The following ATP8A1 variants were observed in gnomAD, a reference collection of about 807,000 sequenced individuals.
ATP8A1 encodes the protein phospholipid-transporting ATPase IA.
Under a neutral mutation model 177.7 loss-of-function variants are expected in ATP8A1, and 90 were observed. The observed-to-expected ratio is 0.51, with a 90% CI of 0.43 to 0.60. ATP8A1 has a LOEUF of 0.60. Among genes scored for constraint, ATP8A1 ranks in the 20% least tolerant of loss-of-function variants. The probability of loss-of-function intolerance (pLI) is 0.00; values close to 1 mark genes in which losing one functional copy is unlikely to be tolerated. For synonymous variants in ATP8A1, 493 were observed against 485.9 expected (o/e 1.01, Z -0.19); for missense variants, 1,072 against 1,392.8 (o/e 0.77, Z 3.67).
chr4:42,571,738 G>T (rs1477945099), intron 14 of ATP8A1, among the ~76,000 whole-genome samples: 1 of 152,072 alleles, frequency 6.6e-6, no homozygotes, highest in East Asian at 1.9e-4. Flanking sequence ...CCCATAAAAA[G>T]ATCTAATGAA....
intron 25 of ATP8A1, among the ~76,000 whole-genome samples, chr4:42,482,199 A>AG (rs5857846): frequency 0.95 from 143,883 of 151,980 alleles, 68,571 homozygotes; most frequent in Non-Finnish European, 1. Flanking sequence ...GCTACTCGGG[A>AG]GCTGAGGCAC....
At chr4:42,457,246 T>C (rs1718586435) in intron 27 of ATP8A1, among the ~76,000 whole-genome samples, 1 of 152,214 alleles carries the variant, frequency 6.6e-6, no homozygotes, top group Non-Finnish European at 1.5e-5. Flanking sequence ...GTGAAGTTTA[T>C]TCTTTCCTGG....
chr4:42,625,761 AC>A, intron 2 of ATP8A1, 48 bp from the exon 3 acceptor site: 1 of 1,138,504 alleles, frequency 8.8e-7, no homozygotes, highest in Non-Finnish European at 1.3e-6. Context: ...CATAATTAGC[AC>A]CCACACTTAC....
chr4:42,625,541 T>C lies in ATP8A1; in HGVS notation c.264+73A>G, dbSNP rs1418426530. ...TTATCTCTCGGCATTTACATAAACCTCAGGGGATTGGTCACGGGCTTAACA... is the reference window on the plus strand; with the variant it reads ...TTATCTCTCGGCATTTACATAAACCCCAGGGGATTGGTCACGGGCTTAACA... On this transcript the variant is annotated intron_variant, in intron 3 of 36. Transcript: ENST00000381668. The C allele has an allele frequency of 5.0e-6, 5 of 995,518 alleles. No individual in the cohort carries two copies. In the African/African-American group the frequency reaches 8.4e-5, roughly 17 times the overall value. 61.7% of individuals were successfully genotyped at this position (995,518 alleles called of 1,614,324 possible). A position where few individuals can be genotyped will look rare whatever the true frequency, so the allele number is the denominator to read the frequency against.
At chr4:42,444,067 T>C (rs1157591238) in intron 32 of ATP8A1, among the ~76,000 whole-genome samples, 5 of 152,210 alleles carry the variant, frequency 3.3e-5, no homozygotes, top group Admixed American at 3.3e-4. Context: ...CTTGTGGCAA[T>C]CTTTCCCAGG....
At chr4:42,514,157 G>T (rs1490260584) in intron 22 of ATP8A1, among the ~76,000 whole-genome samples, 2 of 152,206 alleles carry the variant, frequency 1.3e-5, no homozygotes, top group East Asian at 3.8e-4. Flanking sequence ...CTAAGGCCAA[G>T]AAATAGATTT....
At chr4:42,601,826 T>C (rs1352612122) in intron 5 of ATP8A1, among the ~76,000 whole-genome samples, 6 of 152,188 alleles carry the variant, frequency 3.9e-5, no homozygotes, top group Admixed American at 3.9e-4. Flanking sequence ...AGATGAAGCC[T>C]GAACCCTCTA....
chr4:42,577,887 G>C (rs1425469039), intron 12 of ATP8A1, among the ~76,000 whole-genome samples: 1 of 152,108 alleles, frequency 6.6e-6, no homozygotes, highest in African/African-American at 2.4e-5. Flanking sequence ...GTAAGATGTA[G>C]GTAAGGCATA....
intron 1 of ATP8A1, 61 bp downstream of exon 1, chr4:42,656,764 C>T: frequency 6.8e-7 from 1 of 1,465,386 alleles, no homozygotes; most frequent in Non-Finnish European, 9.1e-7. Context: ...TAAACACACA[C>T]GCTCACACAC....
chr4:42,608,781 T>G (rs1000373062), intron 5 of ATP8A1, among the ~76,000 whole-genome samples: 3 of 152,204 alleles, frequency 2.0e-5, no homozygotes, highest in Non-Finnish European at 4.4e-5. Flanking sequence ...GAGTCAGCAT[T>G]TAAGAGGAAT....
chr4:42,543,876 A>G, intron 20 of ATP8A1, 41 bp downstream of exon 20: 1 of 1,415,310 alleles, frequency 7.1e-7, no homozygotes, highest in Non-Finnish European at 9.8e-7. Context: ...ATTATAAACC[A>G]TCATAAATTA....
intron 33 of ATP8A1, among the ~76,000 whole-genome samples, chr4:42,436,573 C>T (rs1716025086): frequency 6.6e-6 from 1 of 152,206 alleles, no homozygotes; most frequent in Non-Finnish European, 1.5e-5. Context: ...TGAAGGTCTA[C>T]CTGTTTCATT....
At chr4:42,593,980 A>G (rs1376465398) in intron 6 of ATP8A1, among the ~76,000 whole-genome samples, 1 of 152,072 alleles carries the variant, frequency 6.6e-6, no homozygotes, top group African/African-American at 2.4e-5. Flanking sequence ...CAATCCATGT[A>G]TTATATAAAA....
intron 9 of ATP8A1, among the ~76,000 whole-genome samples, chr4:42,583,084 G>A (rs887512134): frequency 1.3e-5 from 2 of 152,184 alleles, no homozygotes; most frequent in Non-Finnish European, 2.9e-5. Flanking sequence ...GAGGCAAAGC[G>A]AGGCTGAGGT....
chr4:42,643,086 G>A (rs1370552364), intron 1 of ATP8A1, among the ~76,000 whole-genome samples: 1 of 152,212 alleles, frequency 6.6e-6, no homozygotes, highest in East Asian at 1.9e-4. Context: ...TCACGTGAAA[G>A]ACTGTTCTCA....
intron 1 of ATP8A1, among the ~76,000 whole-genome samples, chr4:42,643,442 T>C (rs942860248): frequency 6.6e-6 from 1 of 152,230 alleles, no homozygotes; most frequent in Non-Finnish European, 1.5e-5. Context: ...TTTCGGTAAA[T>C]GGCACCACTG....
At chr4:42,644,719 C>T (rs1185332785) in intron 1 of ATP8A1, among the ~76,000 whole-genome samples, 2 of 151,776 alleles carry the variant, frequency 1.3e-5, no homozygotes, top group Admixed American at 1.3e-4. Flanking sequence ...GAGCGGCCAC[C>T]GAGAAACACA....
At position 42,429,381 on chromosome 4, in the gene ATP8A1, G is replaced by GTTT. The variant is rs140094527; in HGVS notation, c.3124-5679_3124-5677dup. On this transcript the variant is annotated intron_variant, in intron 33 of 36. Transcript: ENST00000381668. ...AGGTATGATACCTGGAAATAAAAGTGTTTTGTTTTTTTTTTTGTGGTTGTG... is the reference window on the plus strand; with the variant it reads ...AGGTATGATACCTGGAAATAAAAGTGTTTTTTTGTTTTTTTTTTTGTGGTTGTG... Among the ~76,000 whole-genome samples, 874 of 150,194 alleles carry GTTT rather than the reference G, an allele frequency of 5.8e-3. 6 individuals are homozygous for GTTT. The highest frequency in any genetic ancestry group is 7.4e-3 in the Non-Finnish European group (501 of 67,344).
chr4:42,635,776 C>CATATATATATATATAT (rs1489319364), intron 1 of ATP8A1, among the ~76,000 whole-genome samples: 1 of 37,210 alleles, frequency 2.7e-5, no homozygotes, highest in East Asian at 4.1e-4. Flanking sequence ...CACACACACA[C>CATATATATATATATAT]ACACACATAT....
Sources: allele counts gnomAD v4.1 joint callset (sites outside exome capture counted in the v4.1 genomes callset), GRCh38; gene constraint gnomAD v4.1.1; transcripts MANE v1.5; gene names NCBI Gene and HGNC (gene_info 2026-07-23, HGNC 2026-07-21).